ITPK1: variants seen among roughly 807,000 people sequenced by gnomAD.
The protein encoded by ITPK1 is inositol-tetrakisphosphate 1-kinase.
A neutral mutation model predicts 45.3 loss-of-function variants in ITPK1; 21 were observed. That is an observed-to-expected ratio of 0.46 (90% CI 0.33 to 0.67). ITPK1 has a LOEUF of 0.67. Ranked by LOEUF, ITPK1 falls within the 30% of genes least tolerant of loss-of-function variation. The pLI is 0.02. For synonymous variants in ITPK1, 258 were observed against 253.6 expected (o/e 1.02, Z -0.16); for missense variants, 474 against 573.5 (o/e 0.83, Z 1.77).
Position 93,016,632 on chromosome 14 carries a change from C to T in ITPK1, c.246+44G>A. ...GGCCATTCCAGGGCCTCCCCTCCTC[C>T]TCCTGAAAATGCCACAGCCAAGGGC... On this transcript the variant is annotated intron_variant, in intron 4 of 10. Coordinates refer to ENST00000267615, the MANE Select transcript of ITPK1 (RefSeq NM_014216.6). The surrounding 1 kb of genome is among the most constrained non-coding windows in gnomAD (Gnocchi z 5.0). 1 of 1,603,770 alleles carries T rather than the reference C, an allele frequency of 6.2e-7. No individual in the cohort carries two copies. The highest frequency in any genetic ancestry group is 1.7e-4 in the Middle Eastern group (1 of 5,960).
chr14:93,017,499 C>T (rs955398331), intron 3 of ITPK1, among the ~76,000 whole-genome samples: 1 of 152,230 alleles, frequency 6.6e-6, no homozygotes, highest in African/African-American at 2.4e-5. Context: ...CCAAGAGAGC[C>T]AGAGCCTCTG....
chr14:92,977,417 C>G (rs944313567), intron 5 of ITPK1, among the ~76,000 whole-genome samples: 13 of 152,236 alleles, frequency 8.5e-5, no homozygotes, highest in Non-Finnish European at 1.9e-4. Flanking sequence ...AAGGAAGGTG[C>G]AGCCTTCTCG....
intron 2 of ITPK1, among the ~76,000 whole-genome samples, chr14:93,084,217 G>A (rs747727436): frequency 2.0e-5 from 3 of 152,234 alleles, no homozygotes; most frequent in East Asian, 1.9e-4. Context: ...GAGTGGCGAC[G>A]AAGCCAGGCT....
In ITPK1 at chr14:93,034,091, T is replaced by C. The variant is rs1471765984; in HGVS notation, c.121-17290A>G. Among the ~76,000 whole-genome samples the C allele has an allele frequency of 6.6e-6, 1 of 151,930 alleles. No individual in the cohort carries two copies. Among genetic ancestry groups the C allele is most frequent in the African/African-American group, 2.4e-5 (1 of 41,332 alleles). On this transcript the variant is annotated intron_variant, in intron 3 of 10. Transcript: ENST00000267615. The surrounding 1 kb of genome is among the most constrained non-coding windows in gnomAD (Gnocchi z 4.1). Reference sequence around the variant, plus strand: ...AGCCCCCAGCTCCCTATCCAAAGTGTAGCCCCAAAAGCCGTCTAATACTTC... The same window carrying C: ...AGCCCCCAGCTCCCTATCCAAAGTGCAGCCCCAAAAGCCGTCTAATACTTC...
intron 8 of ITPK1, among the ~76,000 whole-genome samples, chr14:92,953,663 C>T (rs1202093557): frequency 6.6e-6 from 1 of 152,182 alleles, no homozygotes; most frequent in East Asian, 1.9e-4. Flanking sequence ...GGCCACCAAG[C>T]GCAGGTAGAC....
intron 3 of ITPK1, chr14:93,066,269 G>A (rs1890739723): frequency 2.2e-6 from 1 of 455,230 alleles, no homozygotes; most frequent in South Asian, 1.6e-5. Context: ...ACACCAACAG[G>A]CAGCTCAGCT....
chr14:93,030,595 C>A (rs1026942120), intron 3 of ITPK1, among the ~76,000 whole-genome samples: 1 of 152,192 alleles, frequency 6.6e-6, no homozygotes. Flanking sequence ...GGGAGACAGA[C>A]AACAAACAAG....
intron 8 of ITPK1, among the ~76,000 whole-genome samples, chr14:92,954,662 T>C (rs1888110322): frequency 6.6e-6 from 1 of 152,196 alleles, no homozygotes; most frequent in Non-Finnish European, 1.5e-5. Context: ...ATGATAAGAT[T>C]AGCCCCCAAA....
chr14:92,941,466 T>C lies in ITPK1; in HGVS notation c.*95A>G, dbSNP rs1290997451. The C allele has an allele frequency of 1.8e-5, 26 of 1,435,736 alleles. No individual in the cohort carries two copies. Among genetic ancestry groups the C allele is most frequent in the Non-Finnish European group, 2.4e-5 (26 of 1,102,208 alleles). 88.9% of individuals were successfully genotyped at this position (1,435,736 alleles called of 1,614,324 possible). On this transcript the variant is annotated 3_prime_UTR_variant, in exon 11 of 11. Coordinates refer to ENST00000267615, the MANE Select transcript of ITPK1 (RefSeq NM_014216.6). ...TTAAAAAACAGAAGAATCAGATCACTGGGGATTCTTAGTAGTAGCATCGCC... is the reference window on the plus strand; with the variant it reads ...TTAAAAAACAGAAGAATCAGATCACCGGGGATTCTTAGTAGTAGCATCGCC...
intron 3 of ITPK1, among the ~76,000 whole-genome samples, chr14:93,042,191 A>T (rs961671551): frequency 6.6e-6 from 1 of 152,234 alleles, no homozygotes; most frequent in Non-Finnish European, 1.5e-5. Flanking sequence ...ATCTCACAGT[A>T]ACAAATCCAA....
At chr14:92,996,701 A>G (rs1204376388) in intron 4 of ITPK1, among the ~76,000 whole-genome samples, 1 of 152,150 alleles carries the variant, frequency 6.6e-6, no homozygotes, top group Non-Finnish European at 1.5e-5. Context: ...CGCCAGATCT[A>G]TAGTCCTGGC....
chr14:93,009,121 G>A (rs533411515), intron 4 of ITPK1, among the ~76,000 whole-genome samples: 17 of 152,252 alleles, frequency 1.1e-4, no homozygotes, highest in Admixed American at 3.9e-4. Context: ...ATGAGCAGCC[G>A]GGAAGGCAAC....
chr14:93,062,249 C>A (rs546548470), intron 3 of ITPK1, among the ~76,000 whole-genome samples: 1 of 149,866 alleles, frequency 6.7e-6, no homozygotes, highest in African/African-American at 2.5e-5. Flanking sequence ...CCAGCCTGGG[C>A]GACAGAGCGA....
In ITPK1 at chr14:93,056,595, C is replaced by G. The variant is rs193245002; in HGVS notation, c.120+20000G>C. Among the ~76,000 whole-genome samples, 237 of 152,284 alleles carry G rather than the reference C, an allele frequency of 1.6e-3. 2 individuals carry two copies. The highest frequency in any genetic ancestry group is 4.3e-3 in the African/African-American group (179 of 41,562). On this transcript the variant is annotated intron_variant, in intron 3 of 10. Transcript: ENST00000267615. ...GTTGAAGAGGAACCAGGGTCTTAAG[C>G]AGCTCAGTCCACCCACGGCTGGGTC...
intron 3 of ITPK1, among the ~76,000 whole-genome samples, chr14:93,028,236 G>A (rs1288771206): frequency 3.9e-5 from 6 of 152,200 alleles, no homozygotes; most frequent in Non-Finnish European, 5.9e-5. Context: ...TGTGGCTGAC[G>A]AAAAAGACTT....
At chr14:93,000,892 A>C (rs969127293) in intron 4 of ITPK1, among the ~76,000 whole-genome samples, 3 of 149,536 alleles carry the variant, frequency 2.0e-5, no homozygotes, top group Non-Finnish European at 4.4e-5. Context: ...AATCACTTGA[A>C]CTTGGGAGGC....
At chr14:93,028,757 CA>C (rs1888879889) in intron 3 of ITPK1, among the ~76,000 whole-genome samples, 1 of 152,242 alleles carries the variant, frequency 6.6e-6, no homozygotes, top group Non-Finnish European at 1.5e-5. Flanking sequence ...CCTCTAACGC[CA>C]AACAGTAACC....
chr14:93,060,123 A>C (rs770967250), intron 3 of ITPK1, among the ~76,000 whole-genome samples: 1 of 152,040 alleles, frequency 6.6e-6, no homozygotes, highest in Non-Finnish European at 1.5e-5. Flanking sequence ...ATGCCTGGGC[A>C]GTGGCTGTGG....
At chr14:92,966,967 T>C (rs1885403034) in intron 5 of ITPK1, among the ~76,000 whole-genome samples, 2 of 152,238 alleles carry the variant, frequency 1.3e-5, no homozygotes, top group Admixed American at 1.3e-4. Flanking sequence ...GATCTCATTA[T>C]AACAGCTAGA....
Sources: gnomAD v4.1 joint callset for allele counts (sites outside exome capture counted in the v4.1 genomes callset) on GRCh38, gnomAD v4.1.1 for gene constraint, Gnocchi (gnomAD v3.1) non-coding constraint, MANE v1.5 for transcripts, NCBI Gene and HGNC (gene_info 2026-07-23, HGNC 2026-07-21) for gene names.